The following CLDN1 variants were observed in gnomAD, a reference collection of about 807,000 sequenced individuals.
CLDN1 encodes the protein claudin-1.
CLDN1 carries 12 observed loss-of-function variants against 22.6 expected under a neutral mutation model. The observed-to-expected ratio is 0.53, with a 90% CI of 0.34 to 0.86. The LOEUF (loss-of-function observed/expected upper bound fraction) is 0.86, where lower values mean the gene tolerates loss of function less well. CLDN1 is among the 40% of genes least tolerant of loss of function. The pLI, the probability that CLDN1 is intolerant of heterozygous loss-of-function variation, is 0.02. For missense variants in CLDN1, 250 were observed against 269.5 expected (o/e 0.93, Z 0.51); for synonymous variants, 99 against 103.8 (o/e 0.95, Z 0.28).
rs577526835 is a variant in CLDN1, at chr3:190,309,701, T to G, written c.473+468A>C. On this transcript the variant is annotated intron_variant, in intron 3 of 3. Coordinates refer to ENST00000295522, the MANE Select transcript of CLDN1 (RefSeq NM_021101.5). ...GTGGTATCTGAACATACTAAAAACA[T>G]ACATAATAGCTTTACGTGTAAAAAT... Among the ~76,000 whole-genome samples the G allele has an allele frequency of 2.0e-5, 3 of 152,316 alleles. No individual in the cohort carries two copies. The South Asian group carries it at 6.2e-4, about 32-fold the overall frequency.
rs1716670079 is a variant in CLDN1, at chr3:190,313,051, T to C, written c.224-15A>G. The C allele has an allele frequency of 6.2e-7, 1 of 1,613,886 alleles. No homozygotes were observed. Among genetic ancestry groups the C allele is most frequent in the African/African-American group, 1.3e-5 (1 of 74,866 alleles). On this transcript the variant is annotated splice_polypyrimidine_tract_variant and intron_variant, in intron 1 of 3. Transcript: ENST00000295522. Reference sequence around the variant, plus strand: ...TTGCAATGTGCCTGGCAGAAAACATTTTAAAACATGTAAAAATATGCTTGG... The same window carrying C: ...TTGCAATGTGCCTGGCAGAAAACATCTTAAAACATGTAAAAATATGCTTGG...
intron 2 of CLDN1, among the ~76,000 whole-genome samples, chr3:190,311,940 ATTTCT>A (rs1448277751): frequency 7.4e-6 from 1 of 135,900 alleles, no homozygotes; most frequent in Non-Finnish European, 1.5e-5. Flanking sequence ...AAAAACAGAT[ATTTCT>A]TTTCTTTTCT....
At chr3:190,315,545 A>G (rs928776030) in intron 1 of CLDN1, among the ~76,000 whole-genome samples, 2 of 152,200 alleles carry the variant, frequency 1.3e-5, no homozygotes, top group African/African-American at 4.8e-5. Flanking sequence ...CAGCATAGAG[A>G]TCACACAATC....
rs1716492994 is a variant in CLDN1 at position 190,307,689 on chromosome 3, A to G, written c.*588T>C. 6.6e-6 allele frequency: 1 copy of G among 152,472 alleles called. No individual in the cohort carries two copies. Among genetic ancestry groups the G allele is most frequent in the Non-Finnish European group, 1.5e-5 (1 of 68,256 alleles). The allele number at this position is 152,472 out of a possible 1,614,324, so 9.4% of individuals were successfully genotyped here. ...AAGTGCTATAAGATTATGGTAAAAA[A>G]TAAAATAAGTATATGAAAAGGGCAC... is the stretch of plus-strand genomic sequence containing the variant. On this transcript the variant is annotated 3_prime_UTR_variant, in exon 4 of 4. Coordinates refer to ENST00000295522, the MANE Select transcript of CLDN1 (RefSeq NM_021101.5).
In CLDN1 at chr3:190,310,205, T is replaced by C; in HGVS notation, c.437A>G (p.Gln146Arg). The C allele has an allele frequency of 6.2e-7, 1 of 1,613,952 alleles. No individual in the cohort carries two copies. ...TGGGGTCATAGGGTCATAGAATTCTTGAACGATTCTATTGCCATACCATGC... is the reference window on the plus strand; with the variant it reads ...TGGGGTCATAGGGTCATAGAATTCTCGAACGATTCTATTGCCATACCATGC... The part of the protein sequence containing the change: ...ATAWYGNRIV[Q>R]EFYDPMTPVN... Residue 146 changes from glutamine to arginine, a missense_variant, in exon 3 of 4, where the codon CAA (glutamine) becomes CGA (arginine). Gln to Arg is a conservative substitution (Grantham distance 43). Coordinates refer to ENST00000295522, the MANE Select transcript of CLDN1 (RefSeq NM_021101.5).
intron 1 of CLDN1, among the ~76,000 whole-genome samples, chr3:190,317,424 CTT>C (rs1337726382): frequency 1.3e-5 from 2 of 152,090 alleles, no homozygotes; most frequent in Non-Finnish European, 2.9e-5. Context: ...AAAGTAAATA[CTT>C]ACAAAGATCT....
At position 190,312,810 on chromosome 3, in the gene CLDN1, T is replaced by C. The variant is rs1243924520; in HGVS notation, c.388+62A>G. Reference sequence around the variant, plus strand: ...ATCAAGTATAATGAATCCAACGTAATAGATTTCAAATCATACCAGGAACAG... The same window carrying C: ...ATCAAGTATAATGAATCCAACGTAACAGATTTCAAATCATACCAGGAACAG... On this transcript the variant is annotated intron_variant, in intron 2 of 3. Coordinates refer to ENST00000295522, the MANE Select transcript of CLDN1 (RefSeq NM_021101.5). 6 of 1,577,396 alleles carry C rather than the reference T, an allele frequency of 3.8e-6. No homozygotes were observed. The African/African-American group carries it at 4.0e-5, about 11-fold the overall frequency.
chr3:190,320,506 T>C (rs904083593), intron 1 of CLDN1, among the ~76,000 whole-genome samples: 10 of 152,234 alleles, frequency 6.6e-5, no homozygotes, highest in Admixed American at 5.2e-4. Context: ...AACTTATGGA[T>C]TGGTTTTGGT....
intron 1 of CLDN1, among the ~76,000 whole-genome samples, chr3:190,314,999 C>G (rs1577390112): frequency 1.3e-5 from 2 of 152,242 alleles, no homozygotes; most frequent in South Asian, 4.1e-4. Context: ...CAACTTTTTC[C>G]TTGGAATCAC....
At chr3:190,315,931 A>T (rs756040492) in intron 1 of CLDN1, among the ~76,000 whole-genome samples, 2 of 152,156 alleles carry the variant, frequency 1.3e-5, no homozygotes, top group African/African-American at 2.4e-5. Context: ...CAGGGCCCTT[A>T]CTGCACCCAC....
rs951687352 is a variant in CLDN1, at chr3:190,307,944, ACTGT to A, written c.*329_*332del. The A allele has an allele frequency of 3.9e-5, 8 of 204,614 alleles. No homozygotes were observed. The highest frequency in any genetic ancestry group is 7.1e-5 in the Non-Finnish European group (7 of 99,198). 12.7% of individuals were successfully genotyped at this position (204,614 alleles called of 1,614,324 possible). A position where few individuals can be genotyped will look rare whatever the true frequency, so the allele number is the denominator to read the frequency against. ...ATCAACATAATGAGAATAGTATTTTACTGTCTATTTTTAATAGAAAAACATGTAT... is the reference window on the plus strand; with the variant it reads ...ATCAACATAATGAGAATAGTATTTTACTATTTTTAATAGAAAAACATGTAT... On this transcript the variant is annotated 3_prime_UTR_variant, in exon 4 of 4. Coordinates refer to ENST00000295522, the MANE Select transcript of CLDN1 (RefSeq NM_021101.5).
chr3:190,315,022 G>T (rs1005165832), intron 1 of CLDN1, among the ~76,000 whole-genome samples: 1 of 152,122 alleles, frequency 6.6e-6, no homozygotes, highest in Non-Finnish European at 1.5e-5. Flanking sequence ...GCCATACTGT[G>T]GTATGAAGAG....
chr3:190,311,604 T>G (rs1485198523), intron 2 of CLDN1, among the ~76,000 whole-genome samples: 2 of 151,170 alleles, frequency 1.3e-5, no homozygotes, highest in Non-Finnish European at 2.9e-5. Flanking sequence ...ATCTGTTATT[T>G]TTTTAAAATA....
chr3:190,320,140 A>G (rs1253158853), intron 1 of CLDN1, among the ~76,000 whole-genome samples: 1 of 152,258 alleles, frequency 6.6e-6, no homozygotes, highest in Non-Finnish European at 1.5e-5. Context: ...TAACCAAAAA[A>G]TGAAAGTAAA....
At position 190,306,977 on chromosome 3, in the gene CLDN1, G is replaced by T. The variant is rs752627313; in HGVS notation, c.*1300C>A. The T allele has an allele frequency of 6.6e-6, 1 of 152,660 alleles. No individual in the cohort carries two copies. The highest frequency in any genetic ancestry group is 1.5e-5 in the Non-Finnish European group (1 of 68,064). The allele number at this position is 152,660 out of a possible 1,614,324, so 9.5% of individuals were successfully genotyped here. A position where few individuals can be genotyped will look rare whatever the true frequency, so the allele number is the denominator to read the frequency against. ...AAGGCAGTGAATCACATGAAGGTACGTGTGTAGGTTTTGTTCAGTGACTTC... is the reference window on the plus strand; with the variant it reads ...AAGGCAGTGAATCACATGAAGGTACTTGTGTAGGTTTTGTTCAGTGACTTC... On this transcript the variant is annotated 3_prime_UTR_variant, in exon 4 of 4. Transcript: ENST00000295522.
intron 1 of CLDN1, among the ~76,000 whole-genome samples, chr3:190,320,339 C>T (rs748026140): frequency 6.6e-6 from 1 of 152,130 alleles, no homozygotes; most frequent in Non-Finnish European, 1.5e-5. Context: ...TAGAAACCTC[C>T]ACCTGCCAAT....
At position 190,312,984 on chromosome 3, in the gene CLDN1, C is replaced by G; in HGVS notation, c.276G>C (p.Val92=). ...ALMVVGILLG[V]IAIFVATVGM... ...CAACGGTGGCCACAAAGATTGCTAT[C>G]ACTCCCAGGAGGATGCCAACCACCA... Residue 92 remains valine (V), a synonymous_variant, in exon 2 of 4, where the codon GTG becomes GTC. Transcript: ENST00000295522. 6.2e-7 allele frequency: 1 copy of G among 1,614,170 alleles called. No homozygotes were observed. The highest frequency in any genetic ancestry group is 1.1e-5 in the South Asian group (1 of 91,084).
At chr3:190,315,864 C>G (rs920792259) in intron 1 of CLDN1, among the ~76,000 whole-genome samples, 1 of 152,114 alleles carries the variant, frequency 6.6e-6, no homozygotes. Flanking sequence ...TCTCATGAGT[C>G]GGACTGTGTA....
intron 1 of CLDN1, among the ~76,000 whole-genome samples, chr3:190,315,288 C>A (rs546938040): frequency 1.3e-5 from 2 of 152,126 alleles, no homozygotes; most frequent in Admixed American, 1.3e-4. Flanking sequence ...TTGCCTGGAA[C>A]AGTCCTAGCT....
Sources: gnomAD v4.1 joint callset for allele counts (sites outside exome capture counted in the v4.1 genomes callset) on GRCh38, gnomAD v4.1.1 for gene constraint, MANE v1.5 for transcripts, NCBI Gene and HGNC (gene_info 2026-07-23, HGNC 2026-07-21) for gene names.